Variants in CST2 observed in about 807,000 individuals in gnomAD.
CST2 encodes the protein cystatin-SA.
A neutral mutation model predicts 13.4 loss-of-function variants in CST2; 26 were observed. The observed-to-expected ratio is 1.95, with a 90% CI of 1.43 to 2.70. CST2 has a LOEUF of 2.70. Among genes scored for constraint, CST2 ranks in the 30% most tolerant of loss-of-function variants. The pLI, the probability that CST2 is intolerant of heterozygous loss-of-function variation, is 0.00. For synonymous variants in CST2, 105 were observed against 71.1 expected, an observed-to-expected ratio of 1.48 and a Z score of -2.40; for missense variants, 243 against 173.4, an observed-to-expected ratio of 1.40 and a Z score of -2.25.
At chr20:23,825,620 T>C (rs1984808672) in intron 1 of CST2, among the ~76,000 whole-genome samples, 1 of 152,212 alleles carries the variant, frequency 6.6e-6, no homozygotes, top group African/African-American at 2.4e-5. Context: ...AGTTTACCCA[T>C]GTATAAAATA....
chr20:23,825,216 C>T lies in CST2; in HGVS notation c.336G>A (p.Leu112=), dbSNP rs1461343917. 1.2e-6 allele frequency: 2 copies of T among 1,614,070 alleles called. No individual in the cohort carries two copies. Among genetic ancestry groups the T allele is most frequent in the African/African-American group, 2.7e-5 (2 of 74,944 alleles). ...ACCCGCATCAGGAACGTACCTTCTG[C>T]AGTTCTGGCTGTTCATGGAAGGCAC... is the stretch of plus-strand genomic sequence containing the variant. The part of the protein sequence containing the change: ...DTCAFHEQPE[L]QKKQLCSFQI... Residue 112 remains leucine, a synonymous_variant, in exon 2 of 3, where the codon CTG becomes CTA. Coordinates refer to ENST00000304725, the MANE Select transcript of CST2 (RefSeq NM_001322.3).
chr20:23,824,652 G>T (rs374380513), intron 2 of CST2, among the ~76,000 whole-genome samples: 9 of 152,170 alleles, frequency 5.9e-5, no homozygotes, highest in African/African-American at 1.7e-4. Context: ...AGGCCTCTAG[G>T]TCCCACTAAT....
rs1379322103 is a variant in CST2, at chr20:23,825,327, C to T, written c.229-4G>A. On this transcript the variant is annotated splice_polypyrimidine_tract_variant and splice_region_variant and intron_variant, in intron 1 of 2. Coordinates refer to ENST00000304725, the MANE Select transcript of CST2 (RefSeq NM_001322.3). The stretch of plus-strand genomic sequence containing the variant: ...AGTAATTCACCCCGCCCACGATCTA[C>T]ACACATGAGAAAACAGGATGCACGG... 7.4e-6 allele frequency: 12 copies of T among 1,614,058 alleles called. No homozygotes were observed. Among genetic ancestry groups the T allele is most frequent in the Non-Finnish European group, 1.0e-5 (12 of 1,179,916 alleles).
chr20:23,824,520 A>G (rs1282335674), intron 2 of CST2, among the ~76,000 whole-genome samples: 2 of 152,168 alleles, frequency 1.3e-5, no homozygotes, highest in Non-Finnish European at 2.9e-5. Flanking sequence ...GAGCTGGGGC[A>G]TGGGGCAATG....
chr20:23,823,842 AGGAG>A lies in CST2; in HGVS notation c.*174_*177del. On this transcript the variant is annotated 3_prime_UTR_variant, in exon 3 of 3. Coordinates refer to ENST00000304725, the MANE Select transcript of CST2 (RefSeq NM_001322.3). ...ACCAGGGCTATGAGAAGCAAAAGGA[AGGAG>A]GGAGGGCAGAGTCCCCTGCTGAGCA... The A allele has an allele frequency of 1.6e-6, 1 of 628,136 alleles. No individual in the cohort carries two copies. The highest frequency in any genetic ancestry group is 2.8e-6 in the Non-Finnish European group (1 of 354,168). 38.9% of individuals were successfully genotyped at this position (628,136 alleles called of 1,614,324 possible).
At position 23,823,953 on chromosome 20, in the gene CST2, C is replaced by T; in HGVS notation, c.*67G>A. The T allele has an allele frequency of 6.4e-7, 1 of 1,567,344 alleles. No individual in the cohort carries two copies. The highest frequency in any genetic ancestry group is 1.3e-5 in the African/African-American group (1 of 74,092). On this transcript the variant is annotated 3_prime_UTR_variant, in exon 3 of 3. Transcript: ENST00000304725. ...CTCCCACAGGGTGGGGGCCACCAGT[C>T]CAGGGGTGGGAGCACTACAAGGGGT...
intron 2 of CST2, among the ~76,000 whole-genome samples, chr20:23,824,834 A>G (rs2122133817): frequency 6.6e-6 from 1 of 152,140 alleles, no homozygotes; most frequent in Non-Finnish European, 1.5e-5. Flanking sequence ...AAGGCTTCCT[A>G]GCAAATCAAA....
intron 2 of CST2, 46 bp downstream of exon 2, chr20:23,825,164 C>A (rs373216205): frequency 1.2e-5 from 19 of 1,606,792 alleles, no homozygotes; most frequent in Non-Finnish European, 1.4e-5. Context: ...ACATACGCAC[C>A]CCTCTGCAGT....
chr20:23,825,879 A>T (rs1318928801), intron 1 of CST2, among the ~76,000 whole-genome samples: 1 of 152,200 alleles, frequency 6.6e-6, no homozygotes, highest in Non-Finnish European at 1.5e-5. Flanking sequence ...GGATGCAGGT[A>T]AAGCTGGGCC....
chr20:23,826,321 T>A, intron 1 of CST2, 112 bp downstream of exon 1: 1 of 868,402 alleles, frequency 1.2e-6, no homozygotes, highest in Non-Finnish European at 1.8e-6. Flanking sequence ...GCTGAATGAA[T>A]CTGAGCATTA....
In CST2 at chr20:23,826,524, C is replaced by G. The variant is rs144878011; in HGVS notation, c.137G>C (p.Arg46Pro). Residue 46 changes from arginine (R) to proline (P), a missense_variant, in exon 1 of 3, where the codon CGT becomes CCT. Transcript: ENST00000304725. Reference protein sequence around the residue: ...DADLNDERVQRALHFVISEYN... With the variant: ...DADLNDERVQPALHFVISEYN... ...CTCGCTGATGACAAAGTGAAGGGCACGCTGTACCCGCTCATCATTGAGGTC... is the reference window on the plus strand; with the variant it reads ...CTCGCTGATGACAAAGTGAAGGGCAGGCTGTACCCGCTCATCATTGAGGTC... 1.2e-6 allele frequency: 2 copies of G among 1,614,120 alleles called. No individual in the cohort carries two copies. Among genetic ancestry groups the G allele is most frequent in the South Asian group, 1.1e-5 (1 of 91,080 alleles).
rs1211176207 is a variant in CST2 at position 23,823,910 on chromosome 20, G to T, written c.*110C>A. The T allele has an allele frequency of 5.3e-6, 6 of 1,131,770 alleles. No individual in the cohort carries two copies. In the East Asian group the frequency reaches 1.2e-4, roughly 23 times the overall value. 70.1% of individuals were successfully genotyped at this position (1,131,770 alleles called of 1,614,324 possible). ...GCAGCCTTCTCTGTCTTCTCCTGCT[G>T]CAGGTGCATGGGGAGACCTCCCACA... On this transcript the variant is annotated 3_prime_UTR_variant, in exon 3 of 3. Coordinates refer to ENST00000304725, the MANE Select transcript of CST2 (RefSeq NM_001322.3).
In CST2 at chr20:23,825,724, A is replaced by T. The variant is rs139932476; in HGVS notation, c.229-401T>A. ...GGTGGAGGCAAGCGGGGACCATGGC[A>T]CCAGGGAGTGCACCTCCCGTGCAGG... is the stretch of plus-strand genomic sequence containing the variant. On this transcript the variant is annotated intron_variant, in intron 1 of 2. Coordinates refer to ENST00000304725, the MANE Select transcript of CST2 (RefSeq NM_001322.3). Among the ~76,000 whole-genome samples, 912 of 152,310 alleles carry T rather than the reference A, an allele frequency of 6.0e-3. 11 individuals are homozygous for T. Among genetic ancestry groups the T allele is most frequent in the African/African-American group, 0.02 (848 of 41,576 alleles).
Position 23,826,585 on chromosome 20 carries a change from C to G in CST2, c.76G>C (p.Glu26Gln). The G allele has an allele frequency of 6.2e-7, 1 of 1,613,846 alleles. No homozygotes were observed. Among genetic ancestry groups the G allele is most frequent in the South Asian group, 1.1e-5 (1 of 91,008 alleles). Reference protein sequence around the residue: ...AVALAWSPQEEDRIIEGGIYD... With the variant: ...AVALAWSPQEQDRIIEGGIYD... ...ATGCCACCCTCGATTATCCTGTCCT[C>G]CTCCTGGGGGCTCCAGGCCAGGGCC... Residue 26 changes from glutamate to glutamine, a missense_variant, in exon 1 of 3, where the codon GAG becomes CAG. Coordinates refer to ENST00000304725, the MANE Select transcript of CST2 (RefSeq NM_001322.3).
At chr20:23,825,059 A>T in intron 2 of CST2, 151 bp downstream of exon 2, 1 of 1,098,400 alleles carries the variant, frequency 9.1e-7, no homozygotes, top group East Asian at 2.4e-5. Context: ...ACCCTCCACA[A>T]GTACATGAAC....
At chr20:23,825,135 G>A in intron 2 of CST2, 75 bp downstream of exon 2, 1 of 1,576,522 alleles carries the variant, frequency 6.3e-7, no homozygotes, top group East Asian at 2.2e-5. Context: ...CTCCAAACAT[G>A]TGTAGGGCAG....
intron 1 of CST2, among the ~76,000 whole-genome samples, chr20:23,825,737 C>T (rs188016485): frequency 1.3e-5 from 2 of 152,166 alleles, no homozygotes; most frequent in Non-Finnish European, 1.5e-5. Flanking sequence ...AGGGAGTGCA[C>T]CTCCCGTGCA....
chr20:23,824,408 G>A (rs1008327397), intron 2 of CST2, among the ~76,000 whole-genome samples: 3 of 152,164 alleles, frequency 2.0e-5, no homozygotes, highest in Non-Finnish European at 4.4e-5. Flanking sequence ...CAGGGCATGG[G>A]GAGGTGGCTC....
In CST2 at chr20:23,825,137, G is replaced by A. The variant is rs368047127; in HGVS notation, c.342+73C>T. 281 of 1,584,206 alleles carry A rather than the reference G, an allele frequency of 1.8e-4. 5 individuals are homozygous for A. In the South Asian group the frequency reaches 3.0e-3, roughly 17 times the overall value. ...GCACACACACACCCTCCAAACATGT[G>A]TAGGGCAGAGACTGACACATACGCA... On this transcript the variant is annotated intron_variant, in intron 2 of 2. Transcript: ENST00000304725.
Sources: gnomAD v4.1 joint callset for allele counts (sites outside exome capture counted in the v4.1 genomes callset) on GRCh38, gnomAD v4.1.1 for gene constraint, MANE v1.5 for transcripts, NCBI Gene and HGNC (gene_info 2026-07-23, HGNC 2026-07-21) for gene names.